The following PSD3 variants were observed in gnomAD, a reference collection of about 807,000 sequenced individuals.
PSD3 encodes PH and SEC7 domain-containing protein 3.
In PSD3, 49 loss-of-function variants were observed where a neutral mutation model predicts 105.5. That is an observed-to-expected ratio of 0.46 (90% CI 0.37 to 0.59). PSD3 has a LOEUF of 0.59. Among genes scored for constraint, PSD3 ranks in the 20% least tolerant of loss-of-function variants. The probability of loss-of-function intolerance (pLI) is 0.00; values close to 1 mark genes in which losing one functional copy is unlikely to be tolerated. For synonymous variants in PSD3, 557 were observed against 457.8 expected, an observed-to-expected ratio of 1.22 and a Z score of -2.77; for missense variants, 1,561 against 1,263.8, an observed-to-expected ratio of 1.24 and a Z score of -3.57.
chr8:18,790,797 G>T (rs1490640303), intron 8 of PSD3, among the ~76,000 whole-genome samples: 1 of 150,106 alleles, frequency 6.7e-6, no homozygotes. Context: ...ACGGCCTTGG[G>T]GCCACTGTGT....
intron 12 of PSD3, among the ~76,000 whole-genome samples, chr8:18,581,380 G>C (rs1310552563): frequency 6.6e-6 from 1 of 151,882 alleles, no homozygotes; most frequent in Non-Finnish European, 1.5e-5. Flanking sequence ...CTTGGGCTCA[G>C]GGGCACTGCA....
intron 4 of PSD3, among the ~76,000 whole-genome samples, chr8:18,834,011 A>C (rs1439065314): frequency 2.6e-5 from 4 of 151,956 alleles, no homozygotes; most frequent in Non-Finnish European, 5.9e-5. Flanking sequence ...TAAACTTAAG[A>C]AAACTAAAAT....
Position 18,799,306 on chromosome 8 carries a change from G to T in PSD3, c.2071C>A (p.Leu691Ile). 2 of 1,606,330 alleles carry T rather than the reference G, an allele frequency of 1.2e-6. No individual in the cohort carries two copies. The highest frequency in any genetic ancestry group is 1.7e-6 in the Non-Finnish European group (2 of 1,173,112). ...AAATCCACACTTACGTGGCCATGTAGATCGGTATTAAGAAGCATTATTGCA... is the reference window on the plus strand; with the variant it reads ...AAATCCACACTTACGTGGCCATGTATATCGGTATTAAGAAGCATTATTGCA... ...TCAIMLLNTD[L>I]HGHNIGKKMT... The change falls in exon 8 of 16, where the codon CTA (leucine) becomes ATA (isoleucine). Residue 691 changes from leucine (L) to isoleucine (I), a missense_variant. Transcript: ENST00000327040.
At chr8:18,916,297 G>GATAGATAT (rs1820580742) in intron 2 of PSD3, among the ~76,000 whole-genome samples, 2 of 31,268 alleles carry the variant, frequency 6.4e-5, no homozygotes, top group African/African-American at 2.2e-4. Context: ...TAAAAAAAGT[G>GATAGATAT]ATATATATAT....
intron 9 of PSD3, among the ~76,000 whole-genome samples, chr8:18,724,143 AGGTAGG>A (rs1419509414): frequency 6.6e-6 from 1 of 152,182 alleles, no homozygotes; most frequent in African/African-American, 2.4e-5. Flanking sequence ...CTTTATAAGC[AGGTAGG>A]GGTGGAAGAA....
intron 4 of PSD3, among the ~76,000 whole-genome samples, chr8:18,837,687 T>G (rs967701417): frequency 6.6e-6 from 1 of 152,160 alleles, no homozygotes; most frequent in African/African-American, 2.4e-5. Flanking sequence ...GTCTGTAATC[T>G]CAGCACTTTG....
intron 12 of PSD3, among the ~76,000 whole-genome samples, chr8:18,576,706 C>T (rs779488047): frequency 3.3e-5 from 5 of 151,970 alleles, no homozygotes; most frequent in Non-Finnish European, 7.4e-5. Context: ...TGGCTCTCCA[C>T]GCAGTGTAAC....
intron 1 of PSD3, among the ~76,000 whole-genome samples, chr8:18,945,187 A>T (rs528828114): frequency 3.9e-5 from 6 of 152,312 alleles, no homozygotes; most frequent in Non-Finnish European, 8.8e-5. Context: ...ATGTCACCTT[A>T]CATGGCATAG....
chr8:18,625,417 G>A (rs534677368), intron 11 of PSD3, among the ~76,000 whole-genome samples: 18 of 152,192 alleles, frequency 1.2e-4, no homozygotes, highest in African/African-American at 3.6e-4. Flanking sequence ...AATGTATGAG[G>A]AAGTTTGGTA....
At chr8:19,059,572 C>T (rs1046128777) in intron 1 of PSD3, among the ~76,000 whole-genome samples, 1 of 152,084 alleles carries the variant, frequency 6.6e-6, no homozygotes, top group African/African-American at 2.4e-5. Flanking sequence ...ACATCAGATC[C>T]CTCCTTCTCC....
chr8:18,900,778 T>G (rs995203077), intron 2 of PSD3, among the ~76,000 whole-genome samples: 2 of 150,560 alleles, frequency 1.3e-5, no homozygotes, highest in Non-Finnish European at 3.0e-5. Flanking sequence ...TAGCTGAGAC[T>G]ACAGGTGTGC....
chr8:18,538,164 T>C (rs1799942899), intron 15 of PSD3, among the ~76,000 whole-genome samples: 1 of 152,246 alleles, frequency 6.6e-6, no homozygotes, highest in Non-Finnish European at 1.5e-5. Flanking sequence ...TGGAATCATG[T>C]TAAATATGAA....
At chr8:18,852,633 G>A (rs1419699040) in intron 4 of PSD3, among the ~76,000 whole-genome samples, 2 of 152,144 alleles carry the variant, frequency 1.3e-5, no homozygotes, top group African/African-American at 4.8e-5. Context: ...CGTTGCCACT[G>A]AAGGCTGCAT....
At chr8:18,770,566 G>A (rs563735904) in intron 8 of PSD3, among the ~76,000 whole-genome samples, 1 of 152,254 alleles carries the variant, frequency 6.6e-6, no homozygotes, top group East Asian at 1.9e-4. Context: ...TCCACCCCTT[G>A]CTGGAGGGAG....
chr8:18,592,643 A>T (rs1803695945), intron 12 of PSD3, among the ~76,000 whole-genome samples: 1 of 152,162 alleles, frequency 6.6e-6, no homozygotes, highest in Admixed American at 6.6e-5. Flanking sequence ...AGCATAAATG[A>T]TCCAGGGCCA....
chr8:18,694,452 T>G (rs1443637880), intron 9 of PSD3, among the ~76,000 whole-genome samples: 2 of 152,032 alleles, frequency 1.3e-5, no homozygotes, highest in Non-Finnish European at 2.9e-5. Flanking sequence ...CTATTAAAAA[T>G]ACAAAAAATT....
intron 9 of PSD3, among the ~76,000 whole-genome samples, chr8:18,703,400 A>G (rs887592752): frequency 2.0e-5 from 3 of 152,186 alleles, no homozygotes; most frequent in Non-Finnish European, 4.4e-5. Flanking sequence ...CACTTTTAAG[A>G]CGTCGAAATT....
At chr8:18,543,142 C>G (rs949399652) in intron 15 of PSD3, among the ~76,000 whole-genome samples, 3 of 152,154 alleles carry the variant, frequency 2.0e-5, no homozygotes, top group African/African-American at 7.2e-5. Flanking sequence ...TCTTAATTAA[C>G]TAAAATTTGC....
At chr8:18,573,327 G>A (rs1400688025) in intron 13 of PSD3, among the ~76,000 whole-genome samples, 1 of 152,084 alleles carries the variant, frequency 6.6e-6, no homozygotes, top group African/African-American at 2.4e-5. Context: ...GAAATTAGCT[G>A]GGCATGGTGG....
Sources: allele counts gnomAD v4.1 joint callset (sites outside exome capture counted in the v4.1 genomes callset), GRCh38; gene constraint gnomAD v4.1.1; transcripts MANE v1.5; gene names NCBI Gene and HGNC (gene_info 2026-07-23, HGNC 2026-07-21).